The following VSIG2 variants were observed in gnomAD, a reference collection of about 807,000 sequenced individuals.
VSIG2 encodes V-set and immunoglobulin domain-containing protein 2.
A neutral mutation model predicts 29.4 loss-of-function variants in VSIG2; 30 were observed. That is an observed-to-expected ratio of 1.02 (90% confidence interval 0.76 to 1.38). VSIG2 has a LOEUF of 1.38. Among genes scored for constraint, VSIG2 ranks in the 40% most tolerant of loss-of-function variants. VSIG2 has a pLI of 0.00. For synonymous variants in VSIG2, 178 were observed against 174.2 expected (o/e 1.02, Z -0.17); for missense variants, 421 against 400.8 (o/e 1.05, Z -0.43).
intron 4 of VSIG2, 61 bp from the exon 5 acceptor site, chr11:124,748,824 A>G (rs549563709): frequency 1.5e-5 from 24 of 1,612,910 alleles, no homozygotes; most frequent in Middle Eastern, 3.3e-4. Flanking sequence ...CTCTACGAGG[A>G]CAGCACATTT....
chr11:124,750,366 T>G (rs1399197957), intron 3 of VSIG2, among the ~76,000 whole-genome samples: 1 of 152,142 alleles, frequency 6.6e-6, no homozygotes, highest in Non-Finnish European at 1.5e-5. Context: ...TGGTGGCCAC[T>G]CCCCTTCTCT....
rs1555108852 is a variant in VSIG2, at chr11:124,749,885, A to AAAACAAAAAAAAAAC, written c.428-20_428-19insGTTTTTTTTTTGTTT. Reference sequence around the variant, plus strand: ...GGGGGAACTGCAAAAAAAAAAAAAAAAAAAAAAAAACAGAAAGTTCCTCAG... The same window carrying AAAACAAAAAAAAAAC: ...GGGGGAACTGCAAAAAAAAAAAAAAAAAACAAAAAAAAAACAAAAAAAAAACAGAAAGTTCCTCAG... On this transcript the variant is annotated intron_variant, in intron 3 of 6. Transcript: ENST00000326621. 77 of 1,419,102 alleles carry AAAACAAAAAAAAAAC rather than the reference A, an allele frequency of 5.4e-5. No individual in the cohort carries two copies. The African/African-American group carries it at 8.5e-4, about 16-fold the overall frequency. The allele number at this position is 1,419,102 out of a possible 1,614,324, so 87.9% of individuals were successfully genotyped here.
rs1555108830 is a variant in VSIG2, at chr11:124,749,884, A to AAAAAAAC, written c.428-19_428-18insGTTTTTT. ...GGGGGGAACTGCAAAAAAAAAAAAA[A>AAAAAAAC]AAAAAAAAAAACAGAAAGTTCCTCA... On this transcript the variant is annotated intron_variant, in intron 3 of 6. Transcript: ENST00000326621. 2.7e-6 allele frequency: 4 copies of AAAAAAAC among 1,460,312 alleles called. No homozygotes were observed. Among genetic ancestry groups the AAAAAAAC allele is most frequent in the African/African-American group, 3.2e-5 (2 of 63,126 alleles). 90.5% of individuals were successfully genotyped at this position (1,460,312 alleles called of 1,614,324 possible).
Position 124,751,528 on chromosome 11 carries a change from C to T in VSIG2, c.114G>A (p.Gly38=). 1 of 1,611,962 alleles carries T rather than the reference C, an allele frequency of 6.2e-7. No homozygotes were observed. The highest frequency in any genetic ancestry group is 1.1e-5 in the South Asian group (1 of 91,080). Residue 38 remains glycine, a synonymous_variant, in exon 2 of 7, where the codon GGG becomes GGA. Coordinates refer to ENST00000326621, the MANE Select transcript of VSIG2 (RefSeq NM_014312.5). ...VPTEPLSTPL[G]KTAELTCTYS... is the part of the protein sequence containing the mutation. ...AGGTGCAGGTCAGCTCGGCTGTCTT[C>T]CCCAGGGGCGTGCTCAGCGGCTCTG...
In VSIG2 at chr11:124,752,146, C is replaced by T; in HGVS notation, c.-9G>A. The T allele has an allele frequency of 6.3e-7, 1 of 1,581,690 alleles. No homozygotes were observed. ...CCCGGGAGCTCGGCCATGGCCGCGT[C>T]CGGCCGTCCTGTCCTGCTCCTGCCA... On this transcript the variant is annotated 5_prime_UTR_variant, in exon 1 of 7. Coordinates refer to ENST00000326621, the MANE Select transcript of VSIG2 (RefSeq NM_014312.5).
intron 1 of VSIG2, 91 bp downstream of exon 1, chr11:124,751,986 G>C (rs1591426620): frequency 2.8e-6 from 4 of 1,405,280 alleles, no homozygotes; most frequent in African/African-American, 2.9e-5. Context: ...GCCTCATCTG[G>C]CCTGGCGGGG....
rs180759576 is a variant in VSIG2, at chr11:124,751,653, A to G, written c.62-73T>C. The G allele has an allele frequency of 3.4e-4, 488 of 1,449,952 alleles. 7 individuals are homozygous for G. The Admixed American group carries it at 0.011, about 31-fold the overall frequency. The allele number at this position is 1,449,952 out of a possible 1,614,324, so 89.8% of individuals were successfully genotyped here. A position where few individuals can be genotyped will look rare whatever the true frequency, so the allele number is the denominator to read the frequency against. On this transcript the variant is annotated intron_variant, in intron 1 of 6. Coordinates refer to ENST00000326621, the MANE Select transcript of VSIG2 (RefSeq NM_014312.5). Reference sequence around the variant, plus strand: ...TGGAGGGTCGGGCCCACCCCCGGGCATCTATATTGGAAGCTGGGGGCTCCC... The same window carrying G: ...TGGAGGGTCGGGCCCACCCCCGGGCGTCTATATTGGAAGCTGGGGGCTCCC...
chr11:124,749,718 G>A lies in VSIG2; in HGVS notation c.576C>T (p.Ser192=). 1.2e-6 allele frequency: 2 copies of A among 1,613,220 alleles called. No homozygotes were observed. Among genetic ancestry groups the A allele is most frequent in the Non-Finnish European group, 1.7e-6 (2 of 1,179,724 alleles). Reference sequence around the variant, plus strand: ...GCCCTGGGCCCTTACCTTGAACCATGCTGCCAGGAGAAGGTGTAGGAAAAG... The same window carrying A: ...GCCCTGGGCCCTTACCTTGAACCATACTGCCAGGAGAAGGTGTAGGAAAAG... The part of the protein sequence containing the change: ...LGTFPTPSPG[S]MVQDEVSGQL... The change falls in exon 4 of 7, where the codon AGC becomes AGT. Residue 192 remains serine, a synonymous_variant. Transcript: ENST00000326621.
In VSIG2 at chr11:124,751,575, C is replaced by A; in HGVS notation, c.67G>T (p.Ala23Ser). The stretch of plus-strand genomic sequence containing the variant: ...TCTGTGGGTACCTTCACCTCCACGG[C>A]CAGCCCTGGGGCCGGGGACCAGAGG... The part of the protein sequence containing the change: ...LLGFLCLSGL[A>S]VEVKVPTEPL... The change falls in exon 2 of 7, where the codon GCC (alanine) becomes TCC (serine). Residue 23 changes from alanine (A) to serine (S), a missense_variant. Physicochemically the swap from Ala to Ser is moderately conservative, Grantham distance 99. Coordinates refer to ENST00000326621, the MANE Select transcript of VSIG2 (RefSeq NM_014312.5). The A allele has an allele frequency of 6.3e-7, 1 of 1,594,734 alleles. No individual in the cohort carries two copies. The highest frequency in any genetic ancestry group is 8.5e-7 in the Non-Finnish European group (1 of 1,171,792).
intron 3 of VSIG2, 29 bp from the exon 4 acceptor site, chr11:124,749,895 A>AAC: frequency 2.0e-6 from 3 of 1,485,780 alleles, no homozygotes; most frequent in Non-Finnish European, 2.7e-6. Flanking sequence ...AAAAAAAAAA[A>AAC]CAGAAAGTTC....
intron 6 of VSIG2, chr11:124,748,172 C>T: frequency 1.8e-6 from 1 of 541,090 alleles, no homozygotes; most frequent in East Asian, 3.1e-5. Context: ...AACAGCTTCC[C>T]TGCCACAGCT....
At position 124,750,812 on chromosome 11, in the gene VSIG2, T is replaced by C; in HGVS notation, c.329A>G (p.Asp110Gly). 1.2e-6 allele frequency: 2 copies of C among 1,614,060 alleles called. No individual in the cohort carries two copies. The change falls in exon 3 of 7, where the codon GAC (aspartate) becomes GGC (glycine). Residue 110 changes from aspartate to glycine, a missense_variant. By Grantham distance (94) the Asp-to-Gly change is moderately conservative. Transcript: ENST00000326621. ...TVGVATLKLT[D>G]VHPSDTGTYL... ...GGTTCCAGTATCTGAGGGGTGGACG[T>C]CAGTCAGTTTCAGTGTGGCCACCCC...
chr11:124,748,000 T>G lies in VSIG2; in HGVS notation c.852-333A>C, dbSNP rs190720955. Reference sequence around the variant, plus strand: ...GCAGTTTCCCCTCCCCTTTCCTGATTTCCTCCACAGAAGAATTGAACTCAG... The same window carrying G: ...GCAGTTTCCCCTCCCCTTTCCTGATGTCCTCCACAGAAGAATTGAACTCAG... On this transcript the variant is annotated intron_variant, in intron 6 of 6. Coordinates refer to ENST00000326621, the MANE Select transcript of VSIG2 (RefSeq NM_014312.5). 4.1e-4 allele frequency: 146 copies of G among 356,092 alleles called. 1 individual carries two copies. The highest frequency in any genetic ancestry group is 2.8e-3 in the African/African-American group (134 of 47,028). The allele number at this position is 356,092 out of a possible 1,614,324, so 22.1% of individuals were successfully genotyped here.
At chr11:124,750,959 C>T in intron 2 of VSIG2, 38 bp from the exon 3 acceptor site, 3 of 1,603,926 alleles carry the variant, frequency 1.9e-6, no homozygotes, top group Non-Finnish European at 2.6e-6. Flanking sequence ...GTGCCTGTTT[C>T]TGCCTGGCAT....
At position 124,749,880 on chromosome 11, in the gene VSIG2, A is replaced by AAAAAC. The variant is rs1944063277; in HGVS notation, c.428-15_428-14insGTTTT. The AAAAAC allele has an allele frequency of 6.6e-7, 1 of 1,506,490 alleles. No homozygotes were observed. Among genetic ancestry groups the AAAAAC allele is most frequent in the Non-Finnish European group, 8.9e-7 (1 of 1,128,902 alleles). The allele number at this position is 1,506,490 out of a possible 1,614,324, so 93.3% of individuals were successfully genotyped here. On this transcript the variant is annotated splice_polypyrimidine_tract_variant and intron_variant, in intron 3 of 6. Transcript: ENST00000326621. ...TACTGGGGGGAACTGCAAAAAAAAAAAAAAAAAAAAAAAAACAGAAAGTTC... is the reference window on the plus strand; with the variant it reads ...TACTGGGGGGAACTGCAAAAAAAAAAAAAACAAAAAAAAAAAAAAACAGAAAGTTC...
At position 124,749,870 on chromosome 11, in the gene VSIG2, CAAAAAAAAAAA is replaced by C. The variant is rs757471583; in HGVS notation, c.428-15_428-5del. The C allele has an allele frequency of 2.3e-5, 18 of 778,992 alleles. No individual in the cohort carries two copies. The highest frequency in any genetic ancestry group is 1.9e-4 in the Admixed American group (2 of 10,738). 48.3% of individuals were successfully genotyped at this position (778,992 alleles called of 1,614,324 possible). Reference sequence around the variant, plus strand: ...CATAAGGGATTACTGGGGGGAACTGCAAAAAAAAAAAAAAAAAAAAAAAAACAGAAAGTTCC... The same window carrying C: ...CATAAGGGATTACTGGGGGGAACTGCAAAAAAAAAAAAAACAGAAAGTTCC... On this transcript the variant is annotated splice_polypyrimidine_tract_variant and splice_region_variant and intron_variant, in intron 3 of 6. Coordinates refer to ENST00000326621, the MANE Select transcript of VSIG2 (RefSeq NM_014312.5).
At position 124,752,197 on chromosome 11, in the gene VSIG2, T is replaced by G; in HGVS notation, c.-60A>C. 6.7e-7 allele frequency: 1 copy of G among 1,489,916 alleles called. No individual in the cohort carries two copies. Among genetic ancestry groups the G allele is most frequent in the Non-Finnish European group, 8.9e-7 (1 of 1,123,778 alleles). 92.3% of individuals were successfully genotyped at this position (1,489,916 alleles called of 1,614,324 possible). ...GGTGGGCGGTCAAGGTCGGTCTGGG[T>G]GTCGGGCAGGGAAGGGAGCACCCAA... On this transcript the variant is annotated 5_prime_UTR_variant, in exon 1 of 7. Coordinates refer to ENST00000326621, the MANE Select transcript of VSIG2 (RefSeq NM_014312.5).
Position 124,748,690 on chromosome 11 carries a change from G to C in VSIG2, c.660C>G (p.Thr220=). 1 of 1,614,130 alleles carries C rather than the reference G, an allele frequency of 6.2e-7. No homozygotes were observed. The highest frequency in any genetic ancestry group is 8.5e-7 in the Non-Finnish European group (1 of 1,180,018). ...TSSGTYRCVA[T]NQMGSASCEL... ...CACAGGATGCACTGCCCATCTGGTT[G>C]GTGGCCACACAGCGGTAGGTGCCCG... Residue 220 remains threonine, a synonymous_variant, in exon 5 of 7, where the codon ACC becomes ACG. Coordinates refer to ENST00000326621, the MANE Select transcript of VSIG2 (RefSeq NM_014312.5).
At chr11:124,748,889 G>A in intron 4 of VSIG2, 126 bp from the exon 5 acceptor site, 1 of 1,363,552 alleles carries the variant, frequency 7.3e-7, no homozygotes, top group Non-Finnish European at 1.0e-6. Context: ...TTTCACTGGG[G>A]AGGAAACCGG....
Sources: allele counts gnomAD v4.1 joint callset (sites outside exome capture counted in the v4.1 genomes callset), GRCh38; gene constraint gnomAD v4.1.1; transcripts MANE v1.5; gene names NCBI Gene and HGNC (gene_info 2026-07-23, HGNC 2026-07-21).